The following RABEP1 variants were observed in gnomAD, a reference collection of about 807,000 sequenced individuals.
RABEP1 encodes rab GTPase-binding effector protein 1.
Under a neutral mutation model 123.4 loss-of-function variants are expected in RABEP1, and 51 were observed. The ratio of observed to expected loss-of-function variants is 0.41; its 90% CI spans 0.33 to 0.52. The LOEUF is 0.52. Among genes scored for constraint, RABEP1 ranks in the 20% least tolerant of loss-of-function variants. The probability of loss-of-function intolerance (pLI) is 0.16; values close to 1 mark genes in which losing one functional copy is unlikely to be tolerated. For synonymous variants in RABEP1, 347 were observed against 355.2 expected (o/e 0.98, Z 0.26); for missense variants, 888 against 996.3 (o/e 0.89, Z 1.46).
chr17:5,304,969 T>C (rs897910109), intron 1 of RABEP1, among the ~76,000 whole-genome samples: 29 of 152,210 alleles, frequency 1.9e-4, no homozygotes, highest in African/African-American at 5.3e-4. Context: ...CTAACACTTA[T>C]CAAGTTTGTT....
rs1909555250 is a variant in RABEP1, at chr17:5,361,667, C to A, written c.1555C>A (p.Gln519Lys). ...LVSETEWNLL[Q>K]KEVHNAGNKL... Reference sequence around the variant, plus strand: ...TAGTGAAACAGAATGGAATCTCTTGCAGAAAGAGGTGAGTTACCTTTCTCA... The same window carrying A: ...TAGTGAAACAGAATGGAATCTCTTGAAGAAAGAGGTGAGTTACCTTTCTCA... The change falls in exon 9 of 18, where the codon CAG (glutamine) becomes AAG (lysine). Residue 519 changes from glutamine to lysine, a missense_variant. Coordinates refer to ENST00000537505, the MANE Select transcript of RABEP1 (RefSeq NM_004703.6). The A allele has an allele frequency of 6.2e-7, 1 of 1,601,168 alleles. No individual in the cohort carries two copies. Among genetic ancestry groups the A allele is most frequent in the Non-Finnish European group, 8.5e-7 (1 of 1,174,144 alleles).
intron 12 of RABEP1, 47 bp downstream of exon 12, chr17:5,368,515 CT>C: frequency 7.5e-7 from 1 of 1,338,204 alleles, no homozygotes; most frequent in Non-Finnish European, 1.1e-6. Flanking sequence ...CTATATATTC[CT>C]TTTTTGTTCT....
At chr17:5,310,585 T>C (rs756994303) in intron 2 of RABEP1, among the ~76,000 whole-genome samples, 1 of 152,070 alleles carries the variant, frequency 6.6e-6, no homozygotes, top group Non-Finnish European at 1.5e-5. Context: ...CCCAAAGTGC[T>C]GGGTGAGCCA....
At chr17:5,316,448 T>TAAAA (rs2075295925) in intron 2 of RABEP1, among the ~76,000 whole-genome samples, 2 of 4,180 alleles carry the variant, frequency 4.8e-4, no homozygotes, top group Admixed American at 5.5e-3. Flanking sequence ...AGACTCTGTC[T>TAAAA]CAAAAAAAAA....
In RABEP1 at chr17:5,377,125, G is replaced by T; in HGVS notation, c.2035G>T (p.Glu679Ter). The change falls in exon 14 of 18, where the codon GAG becomes TAG. Residue 679 changes from glutamate (E) to a stop codon, truncating the protein, a stop_gained. Coordinates refer to ENST00000537505, the MANE Select transcript of RABEP1 (RefSeq NM_004703.6). LOFTEE classifies it high-confidence loss of function. ...ILPDTTEALR[E>*]LVLKYREDII... is the part of the protein sequence containing the mutation. ...TGTTTCTTGAATCCAGGCACTGCGG[G>T]AGTTGGTATTAAAATACCGTGAGGA... The T allele has an allele frequency of 6.3e-7, 1 of 1,596,958 alleles. No individual in the cohort carries two copies. The highest frequency in any genetic ancestry group is 1.2e-5 in the South Asian group (1 of 86,762).
intron 5 of RABEP1, among the ~76,000 whole-genome samples, chr17:5,339,230 A>G (rs962315729): frequency 6.6e-6 from 1 of 152,232 alleles, no homozygotes; most frequent in Non-Finnish European, 1.5e-5. Context: ...GGAATTTATC[A>G]ATAGTCTTGG....
Position 5,362,953 on chromosome 17 carries a change from G to A in RABEP1, c.1605G>A (p.Met535Ile), listed in dbSNP as rs780539445. 7 of 1,613,926 alleles carry A rather than the reference G, an allele frequency of 4.3e-6. No homozygotes were observed. The highest frequency in any genetic ancestry group is 4.5e-5 in the East Asian group (2 of 44,886). ...ATAAACTTGGTAGACGTTGTGATAT[G>A]TGTTCCAATTACGAAAAACAGTTAC... ...AGNKLGRRCD[M>I]CSNYEKQLQG... Residue 535 changes from methionine to isoleucine, a missense_variant, in exon 10 of 18, where the codon ATG becomes ATA. Physicochemically the swap from Met to Ile is conservative, Grantham distance 10. Transcript: ENST00000537505.
At position 5,368,420 on chromosome 17, in the gene RABEP1, G is replaced by C; in HGVS notation, c.1836G>C (p.Glu612Asp). 2 of 1,613,834 alleles carry C rather than the reference G, an allele frequency of 1.2e-6. No homozygotes were observed. Among genetic ancestry groups the C allele is most frequent in the Non-Finnish European group, 1.7e-6 (2 of 1,179,934 alleles). ...RAQASEILLE[E>D]LQQGLSQAKR... ...AGGCCTCCGAGATCTTACTTGAAGA[G>C]TTACAGCAGGGGCTTTCCCAGGCAA... Residue 612 changes from glutamate to aspartate, a missense_variant, in exon 12 of 18, where the codon GAG becomes GAC. Physicochemically the swap from Glu to Asp is conservative, Grantham distance 45. Coordinates refer to ENST00000537505, the MANE Select transcript of RABEP1 (RefSeq NM_004703.6).
intron 2 of RABEP1, among the ~76,000 whole-genome samples, chr17:5,309,376 G>A (rs554220588): frequency 3.3e-5 from 5 of 152,180 alleles, no homozygotes; most frequent in Admixed American, 2.0e-4. Context: ...CAGGCTGGGC[G>A]CGGTGGCTCA....
intron 1 of RABEP1, chr17:5,284,184 T>C (rs1018152798): frequency 6.6e-6 from 1 of 152,196 alleles, no homozygotes; most frequent in African/African-American, 2.4e-5. Flanking sequence ...TTTGAAGATA[T>C]GAAATGGTCT....
At chr17:5,378,959 C>G (rs908698072) in intron 15 of RABEP1, among the ~76,000 whole-genome samples, 2 of 152,320 alleles carry the variant, frequency 1.3e-5, no homozygotes, top group East Asian at 3.9e-4. Flanking sequence ...TGCTGCTGCC[C>G]TCACCTGACC....
intron 8 of RABEP1, among the ~76,000 whole-genome samples, chr17:5,358,690 T>C (rs1253448578): frequency 2.0e-5 from 3 of 150,132 alleles, no homozygotes; most frequent in Non-Finnish European, 4.4e-5. Flanking sequence ...AAAAAAGAAC[T>C]GCTGAATTCA....
chr17:5,291,969 C>G (rs913978938), intron 1 of RABEP1, among the ~76,000 whole-genome samples: 1 of 152,226 alleles, frequency 6.6e-6, no homozygotes, highest in African/African-American at 2.4e-5. Flanking sequence ...CCAGTTTGAT[C>G]ATTTGTAAAT....
intron 8 of RABEP1, among the ~76,000 whole-genome samples, chr17:5,356,060 C>T (rs79834948): frequency 1.3e-5 from 2 of 152,116 alleles, no homozygotes; most frequent in African/African-American, 4.8e-5. Context: ...TTAACAGATC[C>T]GTAGACTTTC....
rs1911482445 is a variant in RABEP1 at position 5,381,777 on chromosome 17, C to G, written c.2487+272C>G. The stretch of plus-strand genomic sequence containing the variant: ...GCATACCATGTAAGACTCTTCCCAA[C>G]CAGGCCCACCCCTGTATTTTGCTCA... On this transcript the variant is annotated intron_variant, in intron 17 of 17. Transcript: ENST00000537505. 4.0e-5 allele frequency: 11 copies of G among 276,056 alleles called. No individual in the cohort carries two copies. In the East Asian group the frequency reaches 9.3e-4, roughly 23 times the overall value. 17.1% of individuals were successfully genotyped at this position (276,056 alleles called of 1,614,324 possible). A position where few individuals can be genotyped will look rare whatever the true frequency, so the allele number is the denominator to read the frequency against.
Position 5,362,955 on chromosome 17 carries a change from G to T in RABEP1, c.1607G>T (p.Cys536Phe). The T allele has an allele frequency of 6.2e-7, 1 of 1,614,062 alleles. No homozygotes were observed. The highest frequency in any genetic ancestry group is 1.1e-5 in the South Asian group (1 of 91,090). Residue 536 changes from cysteine to phenylalanine, a missense_variant, in exon 10 of 18, where the codon TGT becomes TTT. Transcript: ENST00000537505. ...AAACTTGGTAGACGTTGTGATATGT[G>T]TTCCAATTACGAAAAACAGTTACAA... ...GNKLGRRCDM[C>F]SNYEKQLQGI...
In RABEP1 at chr17:5,361,243, C is replaced by T. The variant is rs1177764985; in HGVS notation, c.1131C>T (p.Ser377=). ...ACAGCACCCGTGGCTCAGTTCATTC[C>T]TTAGATGCAGGCTTGCTGTTGCCAT... The part of the protein sequence containing the change: ...HLDSTRGSVH[S]LDAGLLLPSG... Residue 377 remains serine, a synonymous_variant, in exon 9 of 18, where the codon TCC becomes TCT. Transcript: ENST00000537505. 2.5e-6 allele frequency: 4 copies of T among 1,614,148 alleles called. No homozygotes were observed. Among genetic ancestry groups the T allele is most frequent in the Non-Finnish European group, 3.4e-6 (4 of 1,180,022 alleles).
At chr17:5,319,327 CAAAAAAAAA>C (rs200353804) in intron 2 of RABEP1, among the ~76,000 whole-genome samples, 2 of 114,700 alleles carry the variant, frequency 1.7e-5, no homozygotes, top group African/African-American at 3.4e-5. Context: ...GACTCTGTCT[CAAAAAAAAA>C]AAAAACAAAA....
At chr17:5,358,623 A>G in intron 8 of RABEP1, among the ~76,000 whole-genome samples, 1 of 151,970 alleles carries the variant, frequency 6.6e-6, no homozygotes, top group African/African-American at 2.4e-5. Flanking sequence ...ATGGGCTGAG[A>G]ATGCGCCACT....
Sources: gnomAD v4.1 joint callset for allele counts (sites outside exome capture counted in the v4.1 genomes callset) on GRCh38, gnomAD v4.1.1 for gene constraint, MANE v1.5 for transcripts, NCBI Gene and HGNC (gene_info 2026-07-23, HGNC 2026-07-21) for gene names.